CYP4V2: variants seen among roughly 807,000 people sequenced by gnomAD.
CYP4V2 encodes the protein cytochrome P450 family 4 subfamily V member 2, also known as cytochrome P450 4V2.
Under a neutral mutation model 60.8 loss-of-function variants are expected in CYP4V2, and 55 were observed. The ratio of observed to expected loss-of-function variants is 0.90; its 90% CI spans 0.73 to 1.13. The LOEUF (loss-of-function observed/expected upper bound fraction) is 1.13. CYP4V2 is among the 50% of genes most tolerant of loss of function. The pLI, the probability that CYP4V2 is intolerant of heterozygous loss-of-function variation, is 0.00. For synonymous variants in CYP4V2, 239 were observed against 236.8 expected (o/e 1.01, Z -0.08); for missense variants, 675 against 662.9 (o/e 1.02, Z -0.20).
Position 186,201,170 on chromosome 4 carries a change from G to A in CYP4V2, c.815G>A (p.Arg272Gln), listed in dbSNP as rs1228435590. 8.1e-6 allele frequency: 13 copies of A among 1,614,030 alleles called. No homozygotes were observed. Among genetic ancestry groups the A allele is most frequent in the East Asian group, 4.5e-5 (2 of 44,874 alleles). Residue 272 changes from arginine (R) to glutamine (Q), a missense_variant, in exon 7 of 11, where the codon CGG becomes CAG. Coordinates refer to ENST00000378802, the MANE Select transcript of CYP4V2 (RefSeq NM_207352.4). The part of the protein sequence containing the change: ...HTFTNSVIAE[R>Q]ANEMNANEDC... ...CAAATCATACAGGTCATCGCTGAACGGGCCAATGAAATGAACGCCAATGAA... is the reference window on the plus strand; with the variant it reads ...CAAATCATACAGGTCATCGCTGAACAGGCCAATGAAATGAACGCCAATGAA...
intron 7 of CYP4V2, chr4:186,203,572 T>C (rs1455130914): frequency 6.6e-6 from 1 of 152,288 alleles, no homozygotes; most frequent in Non-Finnish European, 1.5e-5. Flanking sequence ...TCATGCTTTC[T>C]GCAGTTGGCA....
At chr4:186,204,791 A>G in intron 7 of CYP4V2, 1 of 319,390 alleles carries the variant, frequency 3.1e-6, no homozygotes, top group South Asian at 2.9e-5. Flanking sequence ...CCACACCTCT[A>G]CCCCCTGGTG....
Position 186,208,929 on chromosome 4 carries a change from T to G in CYP4V2, c.1155T>G (p.Ile385Met). 1 of 1,614,248 alleles carries G rather than the reference T, an allele frequency of 6.2e-7. No individual in the cohort carries two copies. The change falls in exon 9 of 11, where the codon ATT (isoleucine) becomes ATG (methionine). Residue 385 changes from isoleucine to methionine, a missense_variant. Coordinates refer to ENST00000378802, the MANE Select transcript of CYP4V2 (RefSeq NM_207352.4). Reference protein sequence around the residue: ...LKKLRYLECVIKETLRLFPSV... With the variant: ...LKKLRYLECVMKETLRLFPSV... ...AACTTCGGTATCTGGAATGTGTTAT[T>G]AAGGAGACCCTTCGCCTTTTTCCTT...
chr4:186,200,805 T>A (rs1446210231), intron 6 of CYP4V2, among the ~76,000 whole-genome samples: 1 of 152,198 alleles, frequency 6.6e-6, no homozygotes, highest in Non-Finnish European at 1.5e-5. Context: ...GACTGTTGTA[T>A]AATGATTGCA....
Position 186,196,017 on chromosome 4 carries a change from T to A in CYP4V2, c.342T>A (p.Ser114Arg). 3 of 1,613,684 alleles carry A rather than the reference T, an allele frequency of 1.9e-6. No individual in the cohort carries two copies. The highest frequency in any genetic ancestry group is 2.5e-6 in the Non-Finnish European group (3 of 1,179,628). The change falls in exon 3 of 11, where the codon AGT (serine) becomes AGA (arginine). Residue 114 changes from serine (S) to arginine (R), a missense_variant. Physicochemically the swap from Ser to Arg is moderately radical, Grantham distance 110. Transcript: ENST00000378802. ...NAENVEVILT[S>R]SKQIDKSSMY... is the part of the protein sequence containing the mutation. ...CTCTTCCTAAGGTAATTTTAACTAG[T>A]TCAAAGCAAATTGACAAATCCTCTA...
chr4:186,202,753 TACATGCACACACAAACATATGTATATCC>T (rs1736351330), intron 7 of CYP4V2: 1 of 130,328 alleles, frequency 7.7e-6, no homozygotes, highest in South Asian at 2.7e-4. Context: ...CTCATGCACA[TACATGCACACACAAACATATGTATATCC>T]ACATGCGCAC....
intron 4 of CYP4V2, 87 bp downstream of exon 4, chr4:186,197,217 G>T: frequency 1.3e-6 from 2 of 1,483,736 alleles, no homozygotes; most frequent in East Asian, 2.3e-5. Context: ...GAAGGCAAAT[G>T]GGGGGACGGG....
intron 8 of CYP4V2, among the ~76,000 whole-genome samples, chr4:186,206,922 A>C (rs1399505767): frequency 6.6e-6 from 1 of 152,184 alleles, no homozygotes; most frequent in East Asian, 1.9e-4. Context: ...AAAGCTCACA[A>C]GTTCTTTTGG....
At position 186,211,998 on chromosome 4, in the gene CYP4V2, A is replaced by G. The variant is rs994842140; in HGVS notation, c.*1357A>G. The G allele has an allele frequency of 6.6e-6, 1 of 152,118 alleles. No individual in the cohort carries two copies. Among genetic ancestry groups the G allele is most frequent in the Non-Finnish European group, 1.5e-5 (1 of 68,024 alleles). 9.4% of individuals were successfully genotyped at this position (152,118 alleles called of 1,614,324 possible). Reference sequence around the variant, plus strand: ...TTTTTCACAGTGCCTCACAGAGTTAATCATGCCTTTTGGAGCTAGAAGGAC... The same window carrying G: ...TTTTTCACAGTGCCTCACAGAGTTAGTCATGCCTTTTGGAGCTAGAAGGAC... On this transcript the variant is annotated 3_prime_UTR_variant, in exon 11 of 11. Coordinates refer to ENST00000378802, the MANE Select transcript of CYP4V2 (RefSeq NM_207352.4).
Position 186,201,660 on chromosome 4 carries a change from C to T in CYP4V2, c.987+318C>T, listed in dbSNP as rs1736309334. ...CAGTTCTCCATGTGGCTTCAGGCTT[C>T]CTTCTAACCTCCCAGACATGCAAGT... On this transcript the variant is annotated intron_variant, in intron 7 of 10. Coordinates refer to ENST00000378802, the MANE Select transcript of CYP4V2 (RefSeq NM_207352.4). 2.8e-5 allele frequency: 8 copies of T among 281,744 alleles called. No homozygotes were observed. The Admixed American group carries it at 4.0e-4, about 14-fold the overall frequency. 17.5% of individuals were successfully genotyped at this position (281,744 alleles called of 1,614,324 possible).
chr4:186,210,296 C>G (rs1736665037), intron 10 of CYP4V2, among the ~76,000 whole-genome samples, 173 bp from the exon 11 acceptor site: 1 of 152,166 alleles, frequency 6.6e-6, no homozygotes, highest in Admixed American at 6.5e-5. Flanking sequence ...AAGGTGGGAT[C>G]AGGGAGGGAA....
At chr4:186,197,259 C>CACTGGCCTTCT in intron 4 of CYP4V2, 129 bp downstream of exon 4, 1 of 1,171,838 alleles carries the variant, frequency 8.5e-7, no homozygotes, top group South Asian at 1.3e-5. Flanking sequence ...CGCGGTTCTA[C>CACTGGCCTTCT]GACCGCACTG....
intron 8 of CYP4V2, among the ~76,000 whole-genome samples, chr4:186,206,163 T>C (rs558059176): frequency 1.3e-5 from 2 of 152,330 alleles, no homozygotes; most frequent in East Asian, 3.9e-4. Context: ...CTGCATCGCC[T>C]TCTCTTTTCT....
In CYP4V2 at chr4:186,193,180, C is replaced by A. The variant is rs72646240; in HGVS notation, c.214+1143C>A. ...TTAATTCTAAAAGCAGAGCTAACCA[C>A]CCCTTTTGTCCTAAGGCTTTATGGT... On this transcript the variant is annotated intron_variant, in intron 1 of 10. Transcript: ENST00000378802. Among the ~76,000 whole-genome samples, 1,494 of 152,298 alleles carry A rather than the reference C, an allele frequency of 9.8e-3. 31 individuals carry two copies. Among genetic ancestry groups the A allele is most frequent in the African/African-American group, 0.034 (1,417 of 41,548 alleles).
rs1736773749 is a variant in CYP4V2 at position 186,212,881 on chromosome 4, A to G, written c.*2240A>G. Reference sequence around the variant, plus strand: ...CAACCCAGGCCCTAAGTTGATGAAGAAAAAGTCAAGGAAGGAGGTGATACA... The same window carrying G: ...CAACCCAGGCCCTAAGTTGATGAAGGAAAAGTCAAGGAAGGAGGTGATACA... On this transcript the variant is annotated 3_prime_UTR_variant, in exon 11 of 11. Coordinates refer to ENST00000378802, the MANE Select transcript of CYP4V2 (RefSeq NM_207352.4). 6.6e-6 allele frequency: 1 copy of G among 152,214 alleles called. No individual in the cohort carries two copies. Among genetic ancestry groups the G allele is most frequent in the South Asian group, 2.1e-4 (1 of 4,828 alleles). 9.4% of individuals were successfully genotyped at this position (152,214 alleles called of 1,614,324 possible). A position where few individuals can be genotyped will look rare whatever the true frequency, so the allele number is the denominator to read the frequency against.
At chr4:186,200,754 TTTC>T (rs1295866951) in intron 6 of CYP4V2, among the ~76,000 whole-genome samples, 1 of 152,156 alleles carries the variant, frequency 6.6e-6, no homozygotes, top group Non-Finnish European at 1.5e-5. Flanking sequence ...CTGCTTGCTG[TTTC>T]TTTTCTCCTC....
chr4:186,191,769 GC>G lies in CYP4V2; in HGVS notation c.-50del. 1 of 1,394,420 alleles carries G rather than the reference GC, an allele frequency of 7.2e-7. No homozygotes were observed. Among genetic ancestry groups the G allele is most frequent in the South Asian group, 1.6e-5 (1 of 62,674 alleles). 86.4% of individuals were successfully genotyped at this position (1,394,420 alleles called of 1,614,324 possible). ...TGCGGCCGGCACCGCCTCGCACCAC[GC>G]CCCCGCGGGCCCGCACTTTCCCGGA... On this transcript the variant is annotated 5_prime_UTR_variant, in exon 1 of 11. Transcript: ENST00000378802.
chr4:186,196,012 A>G lies in CYP4V2; in HGVS notation c.337A>G (p.Thr113Ala), dbSNP rs1736136813. 4.3e-6 allele frequency: 7 copies of G among 1,612,650 alleles called. No homozygotes were observed. The African/African-American group carries it at 8.0e-5, about 18-fold the overall frequency. Residue 113 changes from threonine (T) to alanine (A), a missense_variant, in exon 3 of 11, where the codon ACT (threonine) becomes GCT (alanine). By Grantham distance (58) the Thr-to-Ala change is moderately conservative. Coordinates refer to ENST00000378802, the MANE Select transcript of CYP4V2 (RefSeq NM_207352.4). ...YNAENVEVIL[T>A]SSKQIDKSSM... ...TTTTTCTCTTCCTAAGGTAATTTTA[A>G]CTAGTTCAAAGCAAATTGACAAATC...
At chr4:186,192,253 A>G (rs1736013381) in intron 1 of CYP4V2, 3 of 719,472 alleles carry the variant, frequency 4.2e-6, no homozygotes, top group Non-Finnish European at 7.5e-6. Context: ...TGTGTGTAGC[A>G]CAGGATGCGG....
Sources: gnomAD v4.1 joint callset for allele counts (sites outside exome capture counted in the v4.1 genomes callset) on GRCh38, gnomAD v4.1.1 for gene constraint, MANE v1.5 for transcripts, NCBI Gene and HGNC (gene_info 2026-07-23, HGNC 2026-07-21) for gene names.